GMDS: variants seen among roughly 807,000 people sequenced by gnomAD.
GMDS encodes the protein GDP-mannose 4,6 dehydratase.
In GMDS, 20 loss-of-function variants were observed where a neutral mutation model predicts 49.9. That is an observed-to-expected ratio of 0.40 (90% CI 0.28 to 0.58). The LOEUF (loss-of-function observed/expected upper bound fraction) is 0.58. Ranked by LOEUF, GMDS falls within the 20% of genes least tolerant of loss-of-function variation. The pLI is 0.42. For missense variants in GMDS, 362 were observed against 481.4 expected (o/e 0.75, Z 2.32); for synonymous variants, 177 against 178.6 (o/e 0.99, Z 0.07).
At chr6:1,966,962 C>T (rs1245267476) in intron 4 of GMDS, among the ~76,000 whole-genome samples, 2 of 152,132 alleles carry the variant, frequency 1.3e-5, no homozygotes. Flanking sequence ...TTGAGTCCTC[C>T]CCCACCTGGC....
At chr6:2,054,623 TA>T in intron 4 of GMDS, among the ~76,000 whole-genome samples, 1 of 152,230 alleles carries the variant, frequency 6.6e-6, no homozygotes, top group Non-Finnish European at 1.5e-5. Context: ...ATTCTGTGTA[TA>T]AACTCTGCCC....
At chr6:2,058,269 T>C (rs1435969484) in intron 4 of GMDS, among the ~76,000 whole-genome samples, 1 of 146,134 alleles carries the variant, frequency 6.8e-6, no homozygotes, top group African/African-American at 2.6e-5. Context: ...CACTTGAACC[T>C]GGGAGGCAGA....
rs555736245 is a variant in GMDS, at chr6:1,705,919, C to T, written c.987+20497G>A. On this transcript the variant is annotated intron_variant, in intron 9 of 10. Coordinates refer to ENST00000380815, the MANE Select transcript of GMDS (RefSeq NM_001500.4). ...CACACAGCAATGAGAAGGGTGGCGG[C>T]GCAGCAGGAAGGCCCTTGCAAGAAC... Among the ~76,000 whole-genome samples the T allele has an allele frequency of 7.9e-5, 12 of 152,270 alleles. 1 individual carries two copies. In the East Asian group the frequency reaches 2.1e-3, roughly 27 times the overall value.
At chr6:2,181,216 T>G (rs1249688093) in intron 1 of GMDS, among the ~76,000 whole-genome samples, 1 of 148,680 alleles carries the variant, frequency 6.7e-6, no homozygotes, top group African/African-American at 2.5e-5. Context: ...TGAAATTCCA[T>G]GTTTAACAGA....
intron 9 of GMDS, among the ~76,000 whole-genome samples, chr6:1,672,774 C>A (rs1319953740): frequency 6.6e-6 from 1 of 152,164 alleles, no homozygotes; most frequent in Non-Finnish European, 1.5e-5. Context: ...AGTGGTGATG[C>A]AAAATTCTGG....
intron 1 of GMDS, among the ~76,000 whole-genome samples, chr6:2,167,245 G>A (rs1312915595): frequency 1.3e-5 from 2 of 152,066 alleles, no homozygotes; most frequent in Non-Finnish European, 2.9e-5. Context: ...GGCAAAATGG[G>A]AAAGTCATCC....
intron 1 of GMDS, among the ~76,000 whole-genome samples, chr6:2,243,172 T>C (rs934550652): frequency 2.6e-5 from 4 of 152,080 alleles, no homozygotes; most frequent in Non-Finnish European, 5.9e-5. Context: ...GTGTTTTAAG[T>C]TGGAAATGAA....
intron 7 of GMDS, among the ~76,000 whole-genome samples, chr6:1,792,668 A>G (rs1447281326): frequency 6.6e-6 from 1 of 152,192 alleles, no homozygotes; most frequent in Non-Finnish European, 1.5e-5. Flanking sequence ...GTGTTTGAAA[A>G]TATCTGTAAT....
intron 4 of GMDS, among the ~76,000 whole-genome samples, chr6:2,017,319 T>C (rs1229937888): frequency 7.0e-6 from 1 of 142,776 alleles, no homozygotes; most frequent in Admixed American, 6.8e-5. Flanking sequence ...ATTTTTTTTT[T>C]TCCCCCTGAG....
At position 2,220,428 on chromosome 6, in the gene GMDS, T is replaced by C. The variant is rs114898525; in HGVS notation, c.102+24893A>G. Among the ~76,000 whole-genome samples the C allele has an allele frequency of 5.5e-3, 835 of 152,344 alleles. 7 individuals carry two copies. The highest frequency in any genetic ancestry group is 0.019 in the African/African-American group (797 of 41,568). ...TTATTTTCTCGCTGTAATAATGGCA[T>C]GTCATATTTTTTACTGTTAAGTGCT... On this transcript the variant is annotated intron_variant, in intron 1 of 10. Transcript: ENST00000380815.
intron 7 of GMDS, among the ~76,000 whole-genome samples, chr6:1,798,900 A>AG (rs1457907711): frequency 6.6e-6 from 1 of 152,234 alleles, no homozygotes. Flanking sequence ...GCTTCAAAAC[A>AG]TACTTCTTCC....
chr6:1,789,416 A>C (rs778332535), intron 7 of GMDS, among the ~76,000 whole-genome samples: 1 of 152,140 alleles, frequency 6.6e-6, no homozygotes, highest in Admixed American at 6.5e-5. Flanking sequence ...CGCTCCTATT[A>C]CTTAGGAAAT....
intron 7 of GMDS, among the ~76,000 whole-genome samples, chr6:1,756,078 C>T (rs899342825): frequency 5.3e-5 from 8 of 152,142 alleles, no homozygotes; most frequent in African/African-American, 1.9e-4. Context: ...ACAACAACCC[C>T]CTCCAAAAGT....
chr6:2,105,925 A>G (rs1206968277), intron 4 of GMDS, among the ~76,000 whole-genome samples: 1 of 152,204 alleles, frequency 6.6e-6, no homozygotes, highest in Non-Finnish European at 1.5e-5. Flanking sequence ...AACCGTACAC[A>G]AGTTGAGCTA....
At position 1,977,182 on chromosome 6, in the gene GMDS, T is replaced by C. The variant is rs115822952; in HGVS notation, c.346-16216A>G. 6.2e-3 allele frequency among the ~76,000 whole-genome samples: 944 copies of C among 152,292 alleles called. 8 individuals are homozygous for C. The highest frequency in any genetic ancestry group is 0.022 in the African/African-American group (895 of 41,560). Reference sequence around the variant, plus strand: ...TAATTTGCTATGAAAAGTAATTCCATTGGGTAAGTGAAAAGATGCTTGTGT... The same window carrying C: ...TAATTTGCTATGAAAAGTAATTCCACTGGGTAAGTGAAAAGATGCTTGTGT... On this transcript the variant is annotated intron_variant, in intron 4 of 10. Coordinates refer to ENST00000380815, the MANE Select transcript of GMDS (RefSeq NM_001500.4).
intron 4 of GMDS, among the ~76,000 whole-genome samples, chr6:2,103,759 G>T (rs1273115154): frequency 6.6e-6 from 1 of 152,134 alleles, no homozygotes; most frequent in Non-Finnish European, 1.5e-5. Context: ...CCACAGAAAG[G>T]TCCTCGGAAG....
chr6:1,758,498 A>C (rs1428896293), intron 7 of GMDS, among the ~76,000 whole-genome samples: 2 of 152,236 alleles, frequency 1.3e-5, no homozygotes, highest in African/African-American at 4.8e-5. Context: ...GTAGTGCTGC[A>C]GAGGGGGTAG....
chr6:1,866,572 C>T (rs547052711), intron 7 of GMDS, among the ~76,000 whole-genome samples: 23 of 152,204 alleles, frequency 1.5e-4, no homozygotes, highest in Admixed American at 1.4e-3. Flanking sequence ...AATTGTTTCC[C>T]GAAGTTTAAC....
At chr6:1,743,117 G>A (rs1433914913) in intron 7 of GMDS, among the ~76,000 whole-genome samples, 1 of 152,132 alleles carries the variant, frequency 6.6e-6, no homozygotes, top group Non-Finnish European at 1.5e-5. Flanking sequence ...AAGTAAGTGC[G>A]AATCATTAAT....
Sources: allele counts gnomAD v4.1 joint callset (sites outside exome capture counted in the v4.1 genomes callset), GRCh38; gene constraint gnomAD v4.1.1; transcripts MANE v1.5; gene names NCBI Gene and HGNC (gene_info 2026-07-23, HGNC 2026-07-21).